ATP13A4: variants seen among roughly 807,000 people sequenced by gnomAD.
ATP13A4 encodes the protein probable cation-transporting ATPase 13A4.
Under a neutral mutation model 142.5 loss-of-function variants are expected in ATP13A4, and 114 were observed. The observed-to-expected ratio is 0.80, with a 90% confidence interval of 0.69 to 0.93. The LOEUF (loss-of-function observed/expected upper bound fraction) is 0.93. ATP13A4 is among the 40% of genes least tolerant of loss of function. ATP13A4 has a pLI of 0.00. For missense variants in ATP13A4, 1,392 were observed against 1,454.0 expected, an observed-to-expected ratio of 0.96 and a Z score of 0.69; for synonymous variants, 488 against 514.8, an observed-to-expected ratio of 0.95 and a Z score of 0.70.
At chr3:193,431,603 A>G (rs932574439) in intron 25 of ATP13A4, among the ~76,000 whole-genome samples, 42 of 147,066 alleles carry the variant, frequency 2.9e-4, no homozygotes, top group Admixed American at 2.0e-3. Context: ...CTATATATGC[A>G]TGTGTGTGTG....
intron 2 of ATP13A4, among the ~76,000 whole-genome samples, chr3:193,563,881 G>A (rs966924623): frequency 6.6e-6 from 1 of 152,106 alleles, no homozygotes; most frequent in Non-Finnish European, 1.5e-5. Context: ...TGTCTAACTT[G>A]GGGCAACCCC....
intron 1 of ATP13A4, among the ~76,000 whole-genome samples, chr3:193,551,554 C>T (rs534684168): frequency 3.3e-5 from 5 of 152,344 alleles, no homozygotes; most frequent in African/African-American, 1.2e-4. Context: ...ATGATAGCAG[C>T]TCACACCTCG....
rs770836981 is a variant in ATP13A4 at position 193,470,871 on chromosome 3, C to T, written c.931G>A (p.Gly311Ser). Residue 311 changes from glycine (G) to serine (S), a missense_variant, in exon 9 of 30, where the codon GGC becomes AGC. By Grantham distance (56) the Gly-to-Ser change is moderately conservative (BLOSUM62 0). Coordinates refer to ENST00000342695, the MANE Select transcript of ATP13A4 (RefSeq NM_032279.4). ...GATGGAACTGTACCTGTCAGCATGC[C>T]TTCATCCACCACACAGCTGCCTTCA... ...LIEGSCVVDE[G>S]MLTGESIPVT... The T allele has an allele frequency of 1.2e-6, 2 of 1,614,014 alleles. No homozygotes were observed. The highest frequency in any genetic ancestry group is 1.7e-6 in the Non-Finnish European group (2 of 1,180,048).
chr3:193,489,133 T>C (rs80163935), intron 7 of ATP13A4, among the ~76,000 whole-genome samples: 4,205 of 152,306 alleles, frequency 0.028, 135 homozygotes, highest in East Asian at 0.08. Context: ...AGGACAGAGA[T>C]GGCTTGAAAC....
At chr3:193,557,383 A>C (rs1723925749), upstream of ATP13A4, among the ~76,000 whole-genome samples, 1 of 152,224 alleles carries the variant, frequency 6.6e-6, no homozygotes, top group Non-Finnish European at 1.5e-5. Context: ...ACCCTCATTT[A>C]GTGATTTTGG....
intron 29 of ATP13A4, among the ~76,000 whole-genome samples, chr3:193,404,528 G>A (rs754960534): frequency 1.1e-4 from 16 of 152,174 alleles, no homozygotes; most frequent in Non-Finnish European, 1.8e-4. Flanking sequence ...TGACTGGGTC[G>A]TAGGGATGGA....
At chr3:193,403,701 C>T (rs1391149572) in intron 29 of ATP13A4, 19 of 944,428 alleles carry the variant, frequency 2.0e-5, no homozygotes, top group Non-Finnish European at 2.4e-5. Context: ...TTGAATAGAG[C>T]CCAAGTTATA....
intron 28 of ATP13A4, among the ~76,000 whole-genome samples, chr3:193,409,821 G>A (rs995200845): frequency 3.9e-5 from 6 of 152,158 alleles, no homozygotes; most frequent in Non-Finnish European, 8.8e-5. Flanking sequence ...CTAAGTGCTT[G>A]TTTATATTTA....
intron 8 of ATP13A4, among the ~76,000 whole-genome samples, chr3:193,483,492 T>C (rs1429373057): frequency 1.3e-5 from 2 of 152,162 alleles, no homozygotes; most frequent in Non-Finnish European, 2.9e-5. Context: ...TGAGATGGAG[T>C]CTCGCTCTGT....
At chr3:193,462,222 CAAAA>C (rs57279285) in intron 13 of ATP13A4, among the ~76,000 whole-genome samples, 1 of 109,812 alleles carries the variant, frequency 9.1e-6, no homozygotes, top group Non-Finnish European at 1.9e-5. Flanking sequence ...AACTCCGTCT[CAAAA>C]AAAAAAAAAA....
At chr3:193,471,712 T>G (rs1475942191) in intron 8 of ATP13A4, among the ~76,000 whole-genome samples, 1 of 151,528 alleles carries the variant, frequency 6.6e-6, no homozygotes, top group Non-Finnish European at 1.5e-5. Context: ...ACACAAGTGG[T>G]GTGTTAAGTG....
chr3:193,469,312 C>G (rs1718479760), intron 9 of ATP13A4, among the ~76,000 whole-genome samples: 1 of 152,110 alleles, frequency 6.6e-6, no homozygotes, highest in South Asian at 2.1e-4. Flanking sequence ...ATGGAACAGA[C>G]AGGACAATAA....
In ATP13A4 at chr3:193,589,018, T is replaced by TA. The variant is rs756101908; in HGVS notation, n.91+4002dup. Among the ~76,000 whole-genome samples the TA allele has an allele frequency of 1.1e-4, 16 of 152,160 alleles. No homozygotes were observed. The East Asian group carries it at 2.9e-3, about 28-fold the overall frequency. On this transcript the variant is annotated intron_variant and non_coding_transcript_variant, in intron 1 of 3. Transcript: ENST00000489140. Reference sequence around the variant, plus strand: ...AGCCAGGCATGGTGGCATGCACCTGTAATCCCAGCTACTCAGGAGACTGAG... The same window carrying TA: ...AGCCAGGCATGGTGGCATGCACCTGTAAATCCCAGCTACTCAGGAGACTGAG...
rs79302947 is a variant in ATP13A4, at chr3:193,477,743, C to T, written c.808+6193G>A. Reference sequence around the variant, plus strand: ...ACTGAGTTCAGAACACAAAGATGAGCATCGATGGAGATCTTGGCAGCTTGA... The same window carrying T: ...ACTGAGTTCAGAACACAAAGATGAGTATCGATGGAGATCTTGGCAGCTTGA... On this transcript the variant is annotated intron_variant, in intron 8 of 29. Transcript: ENST00000342695. 6.4e-3 allele frequency among the ~76,000 whole-genome samples: 978 copies of T among 152,064 alleles called. 16 individuals are homozygous for T. The East Asian group carries it at 0.079, about 12-fold the overall frequency.
chr3:193,526,325 A>G (rs1035142764), intron 1 of ATP13A4, among the ~76,000 whole-genome samples: 6 of 152,202 alleles, frequency 3.9e-5, no homozygotes, highest in African/African-American at 1.4e-4. Context: ...GGAAGCCATC[A>G]TTCTGAGCAA....
chr3:193,505,365 A>T (rs1256675508), intron 2 of ATP13A4, among the ~76,000 whole-genome samples: 2 of 152,186 alleles, frequency 1.3e-5, no homozygotes, highest in African/African-American at 4.8e-5. Flanking sequence ...CTCAAAGGCC[A>T]TATTAATCCA....
intron 23 of ATP13A4, among the ~76,000 whole-genome samples, chr3:193,436,928 C>A (rs1576959680): frequency 6.9e-6 from 1 of 144,000 alleles, no homozygotes; most frequent in African/African-American, 2.9e-5. Context: ...AACGGCGAAA[C>A]CCCGTCTCTA....
intron 18 of ATP13A4, 31 bp from the exon 19 acceptor site, chr3:193,442,587 G>A (rs1218735706): frequency 6.3e-7 from 1 of 1,599,426 alleles, no homozygotes; most frequent in South Asian, 1.1e-5. Context: ...CTCAAGATGA[G>A]GTTGACAAGA....
chr3:193,555,932 G>C (rs1723868725), upstream of ATP13A4, among the ~76,000 whole-genome samples: 1 of 152,198 alleles, frequency 6.6e-6, no homozygotes. Context: ...GGACTTTTGA[G>C]AGAATGGAAT....
Sources: allele counts gnomAD v4.1 joint callset (sites outside exome capture counted in the v4.1 genomes callset), GRCh38; gene constraint gnomAD v4.1.1; transcripts MANE v1.5; gene names NCBI Gene and HGNC (gene_info 2026-07-23, HGNC 2026-07-21).